CNTN5: variants seen among roughly 807,000 people sequenced by gnomAD.
The protein encoded by CNTN5 is contactin-5.
A neutral mutation model predicts 129.1 loss-of-function variants in CNTN5; 77 were observed. The ratio of observed to expected loss-of-function variants is 0.60; its 90% CI spans 0.50 to 0.72. CNTN5 has a LOEUF of 0.72. Ranked by LOEUF, CNTN5 falls within the 30% of genes least tolerant of loss-of-function variation. CNTN5 has a pLI of 0.00. For missense variants in CNTN5, 1,478 were observed against 1,328.8 expected (o/e 1.11, Z -1.75); for synonymous variants, 509 against 465.6 (o/e 1.09, Z -1.20).
chr11:99,569,849 T>C (rs1949122147), intron 3 of CNTN5, among the ~76,000 whole-genome samples: 1 of 152,158 alleles, frequency 6.6e-6, no homozygotes, highest in East Asian at 1.9e-4. Flanking sequence ...AATCTGATCA[T>C]TCTAATATTT....
chr11:99,071,075 C>T (rs1468040042), intron 1 of CNTN5, among the ~76,000 whole-genome samples: 1 of 152,058 alleles, frequency 6.6e-6, no homozygotes, highest in African/African-American at 2.4e-5. Context: ...TTAGAGTATA[C>T]AATGTATCAG....
At chr11:99,889,460 G>A (rs1019914043) in intron 6 of CNTN5, among the ~76,000 whole-genome samples, 2 of 148,234 alleles carry the variant, frequency 1.3e-5, no homozygotes, top group African/African-American at 5.0e-5. Context: ...ATAGTCCTCT[G>A]TACCATTAAA....
intron 2 of CNTN5, among the ~76,000 whole-genome samples, chr11:99,371,835 C>T (rs1453114564): frequency 1.3e-5 from 2 of 152,180 alleles, no homozygotes; most frequent in Non-Finnish European, 2.9e-5. Flanking sequence ...ATAATTTCTA[C>T]AACCTTCGAT....
At chr11:99,628,639 CA>C (rs1951222765) in intron 3 of CNTN5, among the ~76,000 whole-genome samples, 3 of 151,486 alleles carry the variant, frequency 2.0e-5, no homozygotes, top group Non-Finnish European at 4.4e-5. Context: ...CACACACACA[CA>C]CACACACACA....
chr11:99,233,871 G>A lies in CNTN5; in HGVS notation c.-209-91475G>A, dbSNP rs181905415. 7.0e-3 allele frequency among the ~76,000 whole-genome samples: 1,059 copies of A among 152,140 alleles called. 11 individuals carry two copies. Among genetic ancestry groups the A allele is most frequent in the African/African-American group, 0.023 (965 of 41,514 alleles). On this transcript the variant is annotated intron_variant, in intron 1 of 24. Transcript: ENST00000524871. ...TGAGGCAGGAGAATGGTGTGAACCC[G>A]GAAGGCGGAGCTTGCAGTGAGCGGA...
chr11:99,866,252 T>C (rs1948352510), intron 6 of CNTN5, among the ~76,000 whole-genome samples: 1 of 152,130 alleles, frequency 6.6e-6, no homozygotes, highest in South Asian at 2.1e-4. Context: ...CTCAGAGAAT[T>C]TGGGGAATGA....
intron 3 of CNTN5, among the ~76,000 whole-genome samples, chr11:99,814,022 C>T (rs987219449): frequency 6.6e-6 from 1 of 151,980 alleles, no homozygotes; most frequent in African/African-American, 2.4e-5. Context: ...ATGATAAGGT[C>T]ATGATAATTT....
At chr11:99,625,486 T>G (rs890471838) in intron 3 of CNTN5, among the ~76,000 whole-genome samples, 1 of 152,196 alleles carries the variant, frequency 6.6e-6, no homozygotes, top group African/African-American at 2.4e-5. Flanking sequence ...TAAATGTATA[T>G]TCTGTGAGAT....
intron 3 of CNTN5, among the ~76,000 whole-genome samples, chr11:99,729,966 G>A (rs142333192): frequency 0.011 from 1,640 of 152,224 alleles, 101 homozygotes; most frequent in Admixed American, 0.093. Context: ...TTAATACCTA[G>A]GTGATGGGTT....
At chr11:99,661,288 A>G (rs867083965) in intron 3 of CNTN5, among the ~76,000 whole-genome samples, 108 of 152,272 alleles carry the variant, frequency 7.1e-4, no homozygotes, top group African/African-American at 2.4e-3. Context: ...TTTAAACTAT[A>G]TTTTCTGATA....
rs577171311 is a variant in CNTN5, at chr11:100,212,520, G to C, written c.1885-12172G>C. On this transcript the variant is annotated intron_variant, in intron 15 of 24. Transcript: ENST00000524871. ...TTTTGTTATTGCATAAAAATATGCA[G>C]CATCTAATTACATTACTGCATTACA... 3.0e-4 allele frequency among the ~76,000 whole-genome samples: 46 copies of C among 152,242 alleles called. No individual in the cohort carries two copies. In the South Asian group the frequency reaches 6.2e-3, roughly 21 times the overall value.
At chr11:99,828,892 T>G (rs1306743372) in intron 4 of CNTN5, among the ~76,000 whole-genome samples, 1 of 152,188 alleles carries the variant, frequency 6.6e-6, no homozygotes, top group Non-Finnish European at 1.5e-5. Flanking sequence ...GTATAAAATA[T>G]TCCCATATTC....
chr11:99,290,471 G>A (rs946322636), intron 1 of CNTN5, among the ~76,000 whole-genome samples: 2 of 151,840 alleles, frequency 1.3e-5, no homozygotes, highest in Non-Finnish European at 3.0e-5. Flanking sequence ...AATTTTCTGT[G>A]GGCAGCCTCA....
chr11:100,277,215 A>G (rs901615559), intron 18 of CNTN5, among the ~76,000 whole-genome samples: 1 of 152,158 alleles, frequency 6.6e-6, no homozygotes, highest in South Asian at 2.1e-4. Flanking sequence ...TTCTTTATCC[A>G]TTCATCTGCT....
intron 9 of CNTN5, among the ~76,000 whole-genome samples, chr11:100,036,477 C>G (rs1217119292): frequency 3.1e-4 from 47 of 150,072 alleles, no homozygotes; most frequent in African/African-American, 9.2e-4. Context: ...ATATGAACTT[C>G]AAAGTAGTTT....
chr11:99,099,846 C>T (rs74953139), intron 1 of CNTN5, among the ~76,000 whole-genome samples: 1,981 of 152,234 alleles, frequency 0.013, 38 homozygotes, highest in African/African-American at 0.046. Context: ...TAGCTGTTAT[C>T]ATTGCTGCTA....
chr11:99,275,533 C>T (rs918769810), intron 1 of CNTN5, among the ~76,000 whole-genome samples: 1 of 151,652 alleles, frequency 6.6e-6, no homozygotes, highest in Non-Finnish European at 1.5e-5. Flanking sequence ...TCTCAAAACT[C>T]ATTAACTTAA....
intron 13 of CNTN5, among the ~76,000 whole-genome samples, chr11:100,167,074 A>G (rs1396062190): frequency 6.6e-6 from 1 of 151,766 alleles, no homozygotes; most frequent in Non-Finnish European, 1.5e-5. Context: ...TTGTGCTACA[A>G]TATAAAATCA....
At chr11:100,056,252 T>C (rs1206222697) in intron 9 of CNTN5, among the ~76,000 whole-genome samples, 1 of 151,740 alleles carries the variant, frequency 6.6e-6, no homozygotes, top group African/African-American at 2.4e-5. Context: ...TGTTCTGTAT[T>C]TTGTGATTCT....
Sources: gnomAD v4.1 joint callset for allele counts (sites outside exome capture counted in the v4.1 genomes callset) on GRCh38, gnomAD v4.1.1 for gene constraint, MANE v1.5 for transcripts, NCBI Gene and HGNC (gene_info 2026-07-23, HGNC 2026-07-21) for gene names.